ERBB4: variants seen among roughly 807,000 people sequenced by gnomAD.
The protein encoded by ERBB4 is erb-b2 receptor tyrosine kinase 4.
In ERBB4, 42 loss-of-function variants were observed where a neutral mutation model predicts 158.0. The ratio of observed to expected loss-of-function variants is 0.27; its 90% CI spans 0.21 to 0.34. The LOEUF is 0.34. Among genes scored for constraint, ERBB4 ranks in the 10% least tolerant of loss-of-function variants. The pLI is 1.00. For missense variants in ERBB4, 1,333 were observed against 1,624.1 expected (o/e 0.82, Z 3.08); for synonymous variants, 583 against 558.7 (o/e 1.04, Z -0.61).
At chr2:212,373,281 G>A (rs577964759) in intron 1 of ERBB4, among the ~76,000 whole-genome samples, 2 of 152,198 alleles carry the variant, frequency 1.3e-5, no homozygotes, top group East Asian at 1.9e-4. Flanking sequence ...AGCTAACTAA[G>A]TTGACAGAGC....
chr2:211,714,682 C>T (rs1161466676), intron 7 of ERBB4, among the ~76,000 whole-genome samples: 1 of 152,186 alleles, frequency 6.6e-6, no homozygotes, highest in Non-Finnish European at 1.5e-5. Context: ...TTTTGACATG[C>T]TTCTGGGTCC....
chr2:211,596,079 A>G (rs2068621597), intron 19 of ERBB4, among the ~76,000 whole-genome samples: 1 of 152,184 alleles, frequency 6.6e-6, no homozygotes, highest in Non-Finnish European at 1.5e-5. Context: ...AAATTATAAA[A>G]CTAAAGTATA....
chr2:212,247,841 G>A (rs980233372), intron 1 of ERBB4, among the ~76,000 whole-genome samples: 1 of 152,102 alleles, frequency 6.6e-6, no homozygotes, highest in African/African-American at 2.4e-5. Flanking sequence ...GCGGGAGCCT[G>A]TAATCCCAGC....
chr2:212,292,473 C>G (rs572413806), intron 1 of ERBB4, among the ~76,000 whole-genome samples: 1 of 151,946 alleles, frequency 6.6e-6, no homozygotes, highest in Admixed American at 6.6e-5. Flanking sequence ...TTTCTAGTAC[C>G]TTTAGTGATA....
intron 3 of ERBB4, among the ~76,000 whole-genome samples, chr2:211,866,432 G>C (rs1299585463): frequency 6.6e-6 from 1 of 151,906 alleles, no homozygotes; most frequent in Non-Finnish European, 1.5e-5. Flanking sequence ...ATGTTTTATA[G>C]AATCTAGTAT....
intron 25 of ERBB4, among the ~76,000 whole-genome samples, chr2:211,397,327 T>C (rs1325795761): frequency 1.3e-5 from 2 of 152,190 alleles, no homozygotes; most frequent in Non-Finnish European, 2.9e-5. Context: ...TAGTTTTCCA[T>C]TTACACGGTT....
chr2:212,377,376 TAG>T (rs2090360324), intron 1 of ERBB4, among the ~76,000 whole-genome samples: 2 of 151,698 alleles, frequency 1.3e-5, no homozygotes, highest in Admixed American at 1.3e-4. Flanking sequence ...GTGCAAATAT[TAG>T]AGAGTTTACT....
chr2:212,096,171 G>A (rs1200773364), intron 2 of ERBB4, among the ~76,000 whole-genome samples: 1 of 151,990 alleles, frequency 6.6e-6, no homozygotes, highest in African/African-American at 2.4e-5. Flanking sequence ...GAAAAGCTCA[G>A]GTTTGGACAT....
chr2:211,906,536 TGATA>T (rs1215690243), intron 3 of ERBB4, among the ~76,000 whole-genome samples: 7 of 147,642 alleles, frequency 4.7e-5, no homozygotes, highest in East Asian at 2.2e-4. Context: ...TTGATATCTA[TGATA>T]GATAGATATC....
chr2:211,696,856 G>A (rs763933424), intron 12 of ERBB4, among the ~76,000 whole-genome samples: 3 of 151,932 alleles, frequency 2.0e-5, no homozygotes, highest in Non-Finnish European at 2.9e-5. Flanking sequence ...TTTTACTAGA[G>A]ACGGGGTTTC....
rs1038647048 is a variant in ERBB4, at chr2:212,271,998, A to AT, written c.83-147096dup. The stretch of plus-strand genomic sequence containing the variant: ...TAAAATTAACTGGTTACCAATTAAC[A>AT]TTTTTTTTAAAAGACCTATGCCTAA... On this transcript the variant is annotated intron_variant, in intron 1 of 27. Coordinates refer to ENST00000342788, the MANE Select transcript of ERBB4 (RefSeq NM_005235.3). Among the ~76,000 whole-genome samples the AT allele has an allele frequency of 9.8e-4, 149 of 151,672 alleles. 1 individual carries two copies. Among genetic ancestry groups the AT allele is most frequent in the Non-Finnish European group, 3.7e-4 (25 of 67,768 alleles).
rs115145048 is a variant in ERBB4, at chr2:211,954,718, C to T, written c.235-7102G>A. Among the ~76,000 whole-genome samples, 20 of 152,060 alleles carry T rather than the reference C, an allele frequency of 1.3e-4. 1 individual carries two copies. In the South Asian group the frequency reaches 2.3e-3, roughly 17 times the overall value. Reference sequence around the variant, plus strand: ...ACTGCAGAATTTATGTGTTCTCTGACGGTGACAAATGTAGTAGCAAATTGT... The same window carrying T: ...ACTGCAGAATTTATGTGTTCTCTGATGGTGACAAATGTAGTAGCAAATTGT... On this transcript the variant is annotated intron_variant, in intron 2 of 27. Transcript: ENST00000342788.
chr2:211,668,698 A>T (rs2071719738), intron 14 of ERBB4, among the ~76,000 whole-genome samples: 1 of 152,146 alleles, frequency 6.6e-6, no homozygotes, highest in African/African-American at 2.4e-5. Flanking sequence ...ACATGAGAAC[A>T]TTATAATTCT....
In ERBB4 at chr2:212,225,320, T is replaced by C. The variant is rs1574470498; in HGVS notation, c.83-100417A>G. ...AACCCTAAGAGTTTACAAAACTAAATATATGATAAGGAAAAAAATGTTTTA... is the reference window on the plus strand; with the variant it reads ...AACCCTAAGAGTTTACAAAACTAAACATATGATAAGGAAAAAAATGTTTTA... On this transcript the variant is annotated intron_variant, in intron 1 of 27. Transcript: ENST00000342788. Among the ~76,000 whole-genome samples, 3 of 152,090 alleles carry C rather than the reference T, an allele frequency of 2.0e-5. No individual in the cohort carries two copies. In the South Asian group the frequency reaches 6.2e-4, roughly 31 times the overall value.
chr2:212,391,688 TATTATATTATATATTATA>T (rs1372237099), intron 1 of ERBB4, among the ~76,000 whole-genome samples: 4 of 127,142 alleles, frequency 3.1e-5, no homozygotes, highest in Non-Finnish European at 6.6e-5. Context: ...ATATTATATA[TATTATATTATATATTATA>T]TATATTGACA....
intron 20 of ERBB4, among the ~76,000 whole-genome samples, chr2:211,438,105 C>T (rs1258764755): frequency 6.6e-6 from 1 of 152,132 alleles, no homozygotes; most frequent in East Asian, 1.9e-4. Context: ...TGTTGTGAAA[C>T]AGAAGTTTTG....
intron 3 of ERBB4, among the ~76,000 whole-genome samples, chr2:211,870,590 C>T (rs2078319860): frequency 6.6e-6 from 1 of 152,126 alleles, no homozygotes; most frequent in Non-Finnish European, 1.5e-5. Context: ...CCATAAATCA[C>T]TAGCACCCTT....
chr2:211,721,197 A>G (rs929010718), intron 7 of ERBB4, among the ~76,000 whole-genome samples: 1 of 152,070 alleles, frequency 6.6e-6, no homozygotes, highest in African/African-American at 2.4e-5. Flanking sequence ...TCAGGTGTGA[A>G]ATTTTTCATT....
intron 20 of ERBB4, among the ~76,000 whole-genome samples, chr2:211,538,112 G>T (rs1159683348): frequency 1.4e-5 from 2 of 144,958 alleles, no homozygotes; most frequent in Non-Finnish European, 2.9e-5. Context: ...TATAGGATTT[G>T]TAGTCCTTTA....
Sources: allele counts gnomAD v4.1 joint callset (sites outside exome capture counted in the v4.1 genomes callset), GRCh38; gene constraint gnomAD v4.1.1; transcripts MANE v1.5; gene names NCBI Gene and HGNC (gene_info 2026-07-23, HGNC 2026-07-21).